Variants in DOP1A observed in about 807,000 individuals in gnomAD.
DOP1A encodes DOP1 leucine zipper like protein A, also known as protein DOP1A.
A neutral mutation model predicts 267.6 loss-of-function variants in DOP1A; 90 were observed. The observed-to-expected ratio is 0.34, with a 90% CI of 0.28 to 0.40. The LOEUF (loss-of-function observed/expected upper bound fraction) is 0.40, where lower values mean the gene tolerates loss of function less well. Ranked by LOEUF, DOP1A falls within the 10% of genes least tolerant of loss-of-function variation. The pLI, the probability that DOP1A is intolerant of heterozygous loss-of-function variation, is 1.00. For missense variants in DOP1A, 2,437 were observed against 2,900.4 expected, an observed-to-expected ratio of 0.84 and a Z score of 3.67; for synonymous variants, 932 against 999.1, an observed-to-expected ratio of 0.93 and a Z score of 1.27.
intron 1 of DOP1A, among the ~76,000 whole-genome samples, chr6:83,080,486 A>C (rs2128024546): frequency 6.6e-6 from 1 of 152,288 alleles, no homozygotes; most frequent in African/African-American, 2.4e-5. Context: ...CAAGAGAAAA[A>C]ACCTGTCTTT....
rs184645125 is a variant in DOP1A, at chr6:83,154,464, C to T, written c.6451+223C>T. Among the ~76,000 whole-genome samples, 33 of 152,268 alleles carry T rather than the reference C, an allele frequency of 2.2e-4. No homozygotes were observed. In the East Asian group the frequency reaches 6.4e-3, roughly 29 times the overall value. ...CTTAAGTGATAAGTAATAAGTAAAA[C>T]TATTTGTCCTTTTGCAGCAACTAGT... is the stretch of plus-strand genomic sequence containing the variant. On this transcript the variant is annotated intron_variant, in intron 33 of 38. Coordinates refer to ENST00000349129, the MANE Select transcript of DOP1A (RefSeq NM_015018.4).
At chr6:83,102,784 AACATGGCTTTG>A (rs1354591627) in intron 4 of DOP1A, among the ~76,000 whole-genome samples, 1 of 152,230 alleles carries the variant, frequency 6.6e-6, no homozygotes, top group Non-Finnish European at 1.5e-5. Flanking sequence ...AAAAGGCTTT[AACATGGCTTTG>A]AAGACTTTAC....
At chr6:83,133,582 T>G (rs1337308323) in intron 18 of DOP1A, among the ~76,000 whole-genome samples, 1 of 152,174 alleles carries the variant, frequency 6.6e-6, no homozygotes, top group Non-Finnish European at 1.5e-5. Flanking sequence ...GTTTATTATC[T>G]AATACCAAAT....
At chr6:83,159,543 G>A (rs1783728878) in intron 36 of DOP1A, among the ~76,000 whole-genome samples, 1 of 151,856 alleles carries the variant, frequency 6.6e-6, no homozygotes, top group Non-Finnish European at 1.5e-5. Context: ...CACCCGCCTT[G>A]GCATCCCAAA....
chr6:83,123,126 T>A, intron 12 of DOP1A, 144 bp downstream of exon 12: 1 of 912,336 alleles, frequency 1.1e-6, no homozygotes. Context: ...AATCTGACTC[T>A]ACCTTGTCAC....
At chr6:83,155,861 A>G in intron 33 of DOP1A, 90 bp from the exon 34 acceptor site, 1 of 1,445,420 alleles carries the variant, frequency 6.9e-7, no homozygotes, top group Non-Finnish European at 9.2e-7. Context: ...TCAGTTTTGG[A>G]TGTCATAGAG....
chr6:83,118,943 G>A lies in DOP1A; in HGVS notation c.836G>A (p.Arg279Lys). 1 of 1,613,662 alleles carries A rather than the reference G, an allele frequency of 6.2e-7. No individual in the cohort carries two copies. The highest frequency in any genetic ancestry group is 8.5e-7 in the Non-Finnish European group (1 of 1,179,700). Residue 279 changes from arginine to lysine, a missense_variant, in exon 8 of 39, where the codon AGG (arginine) becomes AAG (lysine). Coordinates refer to ENST00000349129, the MANE Select transcript of DOP1A (RefSeq NM_015018.4). The stretch of plus-strand genomic sequence containing the variant: ...TCAGCAGCCCTTCATGTAGTGCTAA[G>A]GAGGGATATGTCTCTGAATCGAAGA... ...ILSAALHVVL[R>K]RDMSLNRRLY...
At position 83,122,875 on chromosome 6, in the gene DOP1A, A is replaced by G; in HGVS notation, c.1233A>G (p.Glu411=). ...DHAQLSSKLR[E]NKKTAELIKT... ...TCTCTTTTTTCAGTAAATTAAGAGAAAATAAGAAAACAGCAGAGCTGATTA... is the reference window on the plus strand; with the variant it reads ...TCTCTTTTTTCAGTAAATTAAGAGAGAATAAGAAAACAGCAGAGCTGATTA... Residue 411 remains glutamate, a synonymous_variant, in exon 12 of 39, where the codon GAA becomes GAG. Coordinates refer to ENST00000349129, the MANE Select transcript of DOP1A (RefSeq NM_015018.4). 4 of 1,480,034 alleles carry G rather than the reference A, an allele frequency of 2.7e-6. No individual in the cohort carries two copies. Among genetic ancestry groups the G allele is most frequent in the Non-Finnish European group, 3.6e-6 (4 of 1,114,020 alleles). The allele number at this position is 1,480,034 out of a possible 1,614,324, so 91.7% of individuals were successfully genotyped here.
Position 83,140,374 on chromosome 6 carries a change from C to G in DOP1A, c.5386C>G (p.Leu1796Val), listed in dbSNP as rs763838181. 6.2e-7 allele frequency: 1 copy of G among 1,611,336 alleles called. No homozygotes were observed. Among genetic ancestry groups the G allele is most frequent in the Non-Finnish European group, 8.5e-7 (1 of 1,179,376 alleles). The change falls in exon 23 of 39, where the codon CTT (leucine) becomes GTT (valine). Residue 1796 changes from leucine to valine, a missense_variant. By Grantham distance (32) the Leu-to-Val change is conservative. This residue lies in a region of DOP1A where 307 missense variants were observed against 308.6 expected (regional missense o/e 0.99). Transcript: ENST00000349129. ...EKMTIAASAS[L>V]TTINLGATKN... ...GATGACTATTGCCGCATCCGCATCT[C>G]TTACCACTATTAATCTTGGAGCTAC...
chr6:83,170,468 C>G, downstream of DOP1A: 1 of 1,613,830 alleles, frequency 6.2e-7, no homozygotes, highest in Non-Finnish European at 8.5e-7. Flanking sequence ...AATAACTCTC[C>G]TGTCTGCAAC....
chr6:83,119,646 T>C, intron 8 of DOP1A, 102 bp from the exon 9 acceptor site: 1 of 804,050 alleles, frequency 1.2e-6, no homozygotes. Flanking sequence ...TACTAATTGG[T>C]AAGTGTTTAG....
chr6:83,124,728 A>C lies in DOP1A; in HGVS notation c.1364A>C (p.Gln455Pro). ...AGGAGGACACTGCATGTGAGACTTCAGATTGGACCTGGAGATAGTAATGAC... is the reference window on the plus strand; with the variant it reads ...AGGAGGACACTGCATGTGAGACTTCCGATTGGACCTGGAGATAGTAATGAC... Reference protein sequence around the residue: ...CCRRTLHVRLQIGPGDSNDSS... With the variant: ...CCRRTLHVRLPIGPGDSNDSS... The change falls in exon 13 of 39, where the codon CAG becomes CCG. Residue 455 changes from glutamine to proline, a missense_variant. Physicochemically the swap from Gln to Pro is moderately conservative, Grantham distance 76. Around this residue, in one of 9 missense-constraint regions of DOP1A, gnomAD observed 498 missense variants for 513.5 expected, o/e 0.97. Transcript: ENST00000349129. The C allele has an allele frequency of 6.2e-7, 1 of 1,612,912 alleles. No homozygotes were observed. Among genetic ancestry groups the C allele is most frequent in the Non-Finnish European group, 8.5e-7 (1 of 1,179,466 alleles).
chr6:83,140,505 T>G (rs1048451581), intron 23 of DOP1A, 102 bp downstream of exon 23: 11 of 936,114 alleles, frequency 1.2e-5, no homozygotes, highest in East Asian at 2.6e-5. Context: ...TTTACAGGAC[T>G]CTGCTAATTA....
rs1213582889 is a variant in DOP1A at position 83,151,965 on chromosome 6, T to C, written c.5987T>C (p.Leu1996Pro). 6.2e-7 allele frequency: 1 copy of C among 1,614,060 alleles called. No individual in the cohort carries two copies. Reference protein sequence around the residue: ...LEQTTWLRRNLEVKPSPKIMV... With the variant: ...LEQTTWLRRNPEVKPSPKIMV... ...CAGACAACATGGCTGCGACGAAATC[T>C]TGAAGTTAAGCCTTCTCCCAAAATA... Residue 1996 changes from leucine to proline, a missense_variant, in exon 29 of 39, where the codon CTT becomes CCT. Leu to Pro is a moderately conservative substitution (Grantham distance 98). This residue lies in a region of DOP1A where 216 missense variants were observed against 283.3 expected (regional missense o/e 0.76). Coordinates refer to ENST00000349129, the MANE Select transcript of DOP1A (RefSeq NM_015018.4).
intron 6 of DOP1A, among the ~76,000 whole-genome samples, chr6:83,112,207 T>C (rs1247167564): frequency 6.6e-6 from 1 of 151,954 alleles, no homozygotes; most frequent in South Asian, 2.1e-4. Context: ...AGAGCTACTA[T>C]AGATAAATAA....
chr6:83,122,809 G>GA, intron 11 of DOP1A, 54 bp from the exon 12 acceptor site: 1 of 1,329,858 alleles, frequency 7.5e-7, no homozygotes. Flanking sequence ...ATTTAAATTT[G>GA]AAAAAACAAA....
At chr6:83,118,316 T>TG (rs1775806193) in intron 7 of DOP1A, among the ~76,000 whole-genome samples, 2 of 152,022 alleles carry the variant, frequency 1.3e-5, no homozygotes, top group African/African-American at 4.8e-5. Context: ...TTAAGGATAT[T>TG]GGGAAAAAAG....
chr6:83,128,677 C>G (rs915257195), intron 15 of DOP1A, among the ~76,000 whole-genome samples: 3 of 152,060 alleles, frequency 2.0e-5, no homozygotes, highest in African/African-American at 4.8e-5. Context: ...GTATTTTTGT[C>G]CTCAAGAATC....
In DOP1A at chr6:83,142,051, G is replaced by C; in HGVS notation, c.5541+5G>C. ...AAAACAACCACCAGGACCAAGGTAT[G>C]TATTTAGACATTTGGCACTTTTTGT... On this transcript the variant is annotated splice_donor_5th_base_variant and intron_variant, in intron 24 of 38. Transcript: ENST00000349129. The C allele has an allele frequency of 6.2e-7, 1 of 1,609,190 alleles. No individual in the cohort carries two copies. The highest frequency in any genetic ancestry group is 1.3e-5 in the African/African-American group (1 of 74,606).
Sources: gnomAD v4.1 joint callset for allele counts (sites outside exome capture counted in the v4.1 genomes callset) on GRCh38, gnomAD v4.1.1 for gene constraint, gnomAD v4.1.1 regional missense constraint, MANE v1.5 for transcripts, NCBI Gene and HGNC (gene_info 2026-07-23, HGNC 2026-07-21) for gene names.